The following PTGES variants were observed in gnomAD, a reference collection of about 807,000 sequenced individuals.
PTGES encodes MGST1-like 1.
Under a neutral mutation model 11.8 loss-of-function variants are expected in PTGES, and 3 were observed. The ratio of observed to expected loss-of-function variants is 0.25; its 90% confidence interval spans 0.12 to 0.66. The LOEUF is 0.66. Ranked by LOEUF, PTGES falls within the 30% of genes least tolerant of loss-of-function variation. PTGES has a pLI of 0.82. For synonymous variants in PTGES, 94 were observed against 90.4 expected (o/e 1.04, Z -0.22); for missense variants, 180 against 213.0 (o/e 0.85, Z 0.96).
At chr9:129,752,374 T>C (rs1029556581) in intron 1 of PTGES, among the ~76,000 whole-genome samples, 1 of 152,142 alleles carries the variant, frequency 6.6e-6, no homozygotes, top group Non-Finnish European at 1.5e-5. Flanking sequence ...CTCGGATTAG[T>C]GGGGAAATTC....
At chr9:129,743,938 T>C (rs991976849) in intron 2 of PTGES, among the ~76,000 whole-genome samples, 2 of 152,102 alleles carry the variant, frequency 1.3e-5, no homozygotes, top group African/African-American at 4.8e-5. Flanking sequence ...AACCTCCACC[T>C]CCTGGGTTCA....
At chr9:129,740,766 T>G (rs528777536) in intron 2 of PTGES, among the ~76,000 whole-genome samples, 3 of 152,240 alleles carry the variant, frequency 2.0e-5, no homozygotes, top group Non-Finnish European at 2.9e-5. Flanking sequence ...GTCCCATAAA[T>G]TAGAGACTGA....
At position 129,745,889 on chromosome 9, in the gene PTGES, G is replaced by A. The variant is rs1174160833; in HGVS notation, c.209+2766C>T. Reference sequence around the variant, plus strand: ...TACTAAAAAAAAAATACAAAAATTAGCTGGCGTGGTCACAGGTGCCTGTAA... The same window carrying A: ...TACTAAAAAAAAAATACAAAAATTAACTGGCGTGGTCACAGGTGCCTGTAA... On this transcript the variant is annotated intron_variant, in intron 2 of 2. Transcript: ENST00000340607. The surrounding 1 kb of genome is among the most constrained non-coding windows in gnomAD (Gnocchi z 4.2). Among the ~76,000 whole-genome samples the A allele has an allele frequency of 6.6e-6, 1 of 151,940 alleles. No individual in the cohort carries two copies. The highest frequency in any genetic ancestry group is 6.6e-5 in the Admixed American group (1 of 15,236).
intron 2 of PTGES, among the ~76,000 whole-genome samples, chr9:129,741,365 T>C (rs1173209427): frequency 6.6e-6 from 1 of 152,162 alleles, no homozygotes; most frequent in East Asian, 1.9e-4. Flanking sequence ...AAAACTCCTG[T>C]AAACCCAGCA....
chr9:129,744,802 G>A (rs774431092), intron 2 of PTGES, among the ~76,000 whole-genome samples: 1 of 151,630 alleles, frequency 6.6e-6, no homozygotes, highest in Non-Finnish European at 1.5e-5. Context: ...ACTTGAACCC[G>A]GGAGGCGGAG....
intron 2 of PTGES, among the ~76,000 whole-genome samples, 192 bp downstream of exon 2, chr9:129,748,463 T>A (rs1833068765): frequency 6.6e-6 from 1 of 152,174 alleles, no homozygotes; most frequent in Non-Finnish European, 1.5e-5. Context: ...TAATTATGAG[T>A]CATGACCACG....
At chr9:129,743,312 G>A (rs983008880) in intron 2 of PTGES, among the ~76,000 whole-genome samples, 10 of 152,176 alleles carry the variant, frequency 6.6e-5, no homozygotes, top group Non-Finnish European at 1.5e-5. Flanking sequence ...ATGGAAGAAA[G>A]CTCACCTCCC....
At chr9:129,748,878 T>C in intron 1 of PTGES, 141 bp from the exon 2 acceptor site, 2 of 643,754 alleles carry the variant, frequency 3.1e-6, no homozygotes, top group Non-Finnish European at 5.1e-6. Flanking sequence ...TCATCCACGA[T>C]TCCTACCCTG....
chr9:129,740,003 A>G (rs1832979945), intron 2 of PTGES, 143 bp from the exon 3 acceptor site: 1 of 1,061,244 alleles, frequency 9.4e-7, no homozygotes. Context: ...ATTCACAGCC[A>G]GGTCAAGGAG....
Position 129,745,208 on chromosome 9 carries a change from A to G in PTGES, c.209+3447T>C, listed in dbSNP as rs114910105. 0.016 allele frequency among the ~76,000 whole-genome samples: 2,452 copies of G among 152,266 alleles called. 68 individuals are homozygous for G. Among genetic ancestry groups the G allele is most frequent in the African/African-American group, 0.057 (2,378 of 41,530 alleles). ...ACAGGTAACCCCTCCGTGCAGTTCC[A>G]CACACCCAACCTCAGATTCTGGCCC... is the stretch of plus-strand genomic sequence containing the variant. On this transcript the variant is annotated intron_variant, in intron 2 of 2. Transcript: ENST00000340607. This position sits in a 1 kb window ranked among gnomAD's most constrained non-coding sequence, Gnocchi z 4.2.
At chr9:129,748,147 A>C (rs1414844781) in intron 2 of PTGES, among the ~76,000 whole-genome samples, 2 of 150,634 alleles carry the variant, frequency 1.3e-5, no homozygotes, top group African/African-American at 2.4e-5. Flanking sequence ...CAACATAAAT[A>C]CTGGAGCACC....
intron 1 of PTGES, among the ~76,000 whole-genome samples, chr9:129,751,652 C>G (rs1421260805): frequency 6.6e-6 from 1 of 151,910 alleles, no homozygotes; most frequent in Non-Finnish European, 1.5e-5. Flanking sequence ...GCACTCCAGC[C>G]TGGACAGCAG....
intron 2 of PTGES, among the ~76,000 whole-genome samples, chr9:129,748,377 G>A (rs56404792): frequency 6.6e-6 from 1 of 152,210 alleles, no homozygotes; most frequent in East Asian, 1.9e-4. Context: ...CTGGCCAGTA[G>A]AACTGCGTAG....
chr9:129,739,252 A>G lies in PTGES; in HGVS notation c.*359T>C. The G allele has an allele frequency of 4.9e-6, 1 of 204,196 alleles. No individual in the cohort carries two copies. The highest frequency in any genetic ancestry group is 1.0e-4 in the South Asian group (1 of 9,686). The allele number at this position is 204,196 out of a possible 1,614,324, so 12.6% of individuals were successfully genotyped here. A position where few individuals can be genotyped will look rare whatever the true frequency, so the allele number is the denominator to read the frequency against. On this transcript the variant is annotated 3_prime_UTR_variant, in exon 3 of 3. Transcript: ENST00000340607. This position sits in a 1 kb window ranked among gnomAD's most constrained non-coding sequence, Gnocchi z 5.7. ...ATTCAGATGATCATTAGGTTTGGGAATCTTAAATAGAGTCTCCCTTCTCTC... is the reference window on the plus strand; with the variant it reads ...ATTCAGATGATCATTAGGTTTGGGAGTCTTAAATAGAGTCTCCCTTCTCTC...
chr9:129,740,865 C>T (rs1411046995), intron 2 of PTGES, among the ~76,000 whole-genome samples: 2 of 152,202 alleles, frequency 1.3e-5, no homozygotes, highest in African/African-American at 2.4e-5. Context: ...CAAGGACAGG[C>T]CACGCGTGTG....
chr9:129,744,966 A>T (rs1833037275), intron 2 of PTGES, among the ~76,000 whole-genome samples: 2 of 152,046 alleles, frequency 1.3e-5, no homozygotes, highest in Admixed American at 1.3e-4. Context: ...TGTGGTGCTT[A>T]TTAGCTCCAT....
intron 1 of PTGES, among the ~76,000 whole-genome samples, chr9:129,751,042 C>A (rs1201720170): frequency 6.6e-6 from 1 of 152,154 alleles, no homozygotes; most frequent in Non-Finnish European, 1.5e-5. Flanking sequence ...AAAAGGAAAT[C>A]ACAGCTGGGC....
At position 129,739,986 on chromosome 9, in the gene PTGES, C is replaced by G; in HGVS notation, c.210-126G>C. 1 of 1,164,572 alleles carries G rather than the reference C, an allele frequency of 8.6e-7. No homozygotes were observed. Among genetic ancestry groups the G allele is most frequent in the Non-Finnish European group, 1.2e-6 (1 of 836,856 alleles). The allele number at this position is 1,164,572 out of a possible 1,614,324, so 72.1% of individuals were successfully genotyped here. ...GGTCATTTCAGGCATATCACACACT[C>G]AAATCCATTCACAGCCAGGTCAAGG... On this transcript the variant is annotated intron_variant, in intron 2 of 2. Coordinates refer to ENST00000340607, the MANE Select transcript of PTGES (RefSeq NM_004878.5). This position sits in a 1 kb window ranked among gnomAD's most constrained non-coding sequence, Gnocchi z 5.7.
rs1317407452 is a variant in PTGES, at chr9:129,745,942, G to A, written c.209+2713C>T. ...CCAGCTACTCGGGAGGCTGAGGCAG[G>A]GGAATTGCTCGAACCCGGGAGGCAG... On this transcript the variant is annotated intron_variant, in intron 2 of 2. Coordinates refer to ENST00000340607, the MANE Select transcript of PTGES (RefSeq NM_004878.5). This position sits in a 1 kb window ranked among gnomAD's most constrained non-coding sequence, Gnocchi z 4.2. Among the ~76,000 whole-genome samples the A allele has an allele frequency of 6.6e-6, 1 of 152,036 alleles. No homozygotes were observed. The highest frequency in any genetic ancestry group is 6.6e-5 in the Admixed American group (1 of 15,252).
Sources: allele counts gnomAD v4.1 joint callset (sites outside exome capture counted in the v4.1 genomes callset), GRCh38; gene constraint gnomAD v4.1.1; non-coding constraint Gnocchi (gnomAD v3.1); transcripts MANE v1.5; gene names NCBI Gene and HGNC (gene_info 2026-07-23, HGNC 2026-07-21).